The following LAMA5 variants were observed in gnomAD, a reference collection of about 807,000 sequenced individuals.
The protein encoded by LAMA5 is laminin subunit alpha-5.
LAMA5 carries 260 observed loss-of-function variants against 433.4 expected under a neutral mutation model. The ratio of observed to expected loss-of-function variants is 0.60; its 90% CI spans 0.54 to 0.66. LAMA5 has a LOEUF of 0.66. Among genes scored for constraint, LAMA5 ranks in the 30% least tolerant of loss-of-function variants. LAMA5 has a pLI of 0.00. For synonymous variants in LAMA5, 2,620 were observed against 2,226.6 expected (o/e 1.18, Z -4.97); for missense variants, 5,378 against 5,258.5 (o/e 1.02, Z -0.70).
chr20:62,333,836 A>AGAGGG lies in LAMA5; in HGVS notation c.2878+64_2878+65insCCCTC, dbSNP rs1555879182. 645 of 1,177,038 alleles carry AGAGGG rather than the reference A, an allele frequency of 5.5e-4. 3 individuals are homozygous for AGAGGG. In the Middle Eastern group the frequency reaches 7.5e-3, roughly 14 times the overall value. 72.9% of individuals were successfully genotyped at this position (1,177,038 alleles called of 1,614,324 possible). ...CCAGAGGAAGGTGGCGGGGCTTGGG[A>AGAGGG]GTGGGGTGGGGTGGGGTGGGCTGGG... On this transcript the variant is annotated intron_variant, in intron 23 of 79. Coordinates refer to ENST00000252999, the MANE Select transcript of LAMA5 (RefSeq NM_005560.6).
In LAMA5 at chr20:62,326,728, C is replaced by T. The variant is rs145381626; in HGVS notation, c.5247G>A (p.Pro1749=). 170 of 1,612,848 alleles carry T rather than the reference C, an allele frequency of 1.1e-4. No homozygotes were observed. Among genetic ancestry groups the T allele is most frequent in the South Asian group, 3.2e-4 (29 of 91,080 alleles). The part of the protein sequence containing the change: ...GNQMSITFLE[P]AYPTPGHVHR... ...GAACGTGGCCAGGCGTGGGGTATGC[C>T]GGCTCCAGGAATGTGATGCTCATCT... The change falls in exon 40 of 80, where the codon CCG becomes CCA. Residue 1749 remains proline (P), a synonymous_variant. Coordinates refer to ENST00000252999, the MANE Select transcript of LAMA5 (RefSeq NM_005560.6).
At position 62,338,125 on chromosome 20, in the gene LAMA5, G is replaced by T. The variant is rs1252854542; in HGVS notation, c.1782C>A (p.Thr594=). 6.3e-7 allele frequency: 1 copy of T among 1,591,320 alleles called. No individual in the cohort carries two copies. Among genetic ancestry groups the T allele is most frequent in the East Asian group, 2.2e-5 (1 of 44,654 alleles). ...CGGCCTCATCGCAGCCCTCGGGCAA[G>T]GTTCCTGCAGGGCTGCAGCCACACA... is the stretch of plus-strand genomic sequence containing the variant. ...CQLCGCSPAG[T]LPEGCDEAGR... The change falls in exon 14 of 80, where the codon ACC becomes ACA. Residue 594 remains threonine, a synonymous_variant. Coordinates refer to ENST00000252999, the MANE Select transcript of LAMA5 (RefSeq NM_005560.6).
intron 53 of LAMA5, 30 bp downstream of exon 53, chr20:62,318,424 C>A: frequency 6.5e-7 from 1 of 1,549,812 alleles, no homozygotes; most frequent in Middle Eastern, 1.9e-4. Flanking sequence ...GGAAGAGGAG[C>A]AGGAGGAAGA....
intron 6 of LAMA5, 141 bp downstream of exon 6, chr20:62,351,563 G>C: frequency 1.3e-6 from 1 of 758,140 alleles, no homozygotes; most frequent in African/African-American, 1.7e-5. Context: ...GCGGTGGTCA[G>C]TGCAGGTCAC....
chr20:62,337,009 A>AC (rs1156865441), intron 16 of LAMA5: 1 of 680,196 alleles, frequency 1.5e-6, no homozygotes, highest in African/African-American at 1.8e-5. Context: ...ATGCACGCAA[A>AC]CGTGCACCGC....
At chr20:62,335,326 G>A (rs1981373700) in intron 18 of LAMA5, 57 bp from the exon 19 acceptor site, 3 of 1,581,836 alleles carry the variant, frequency 1.9e-6, no homozygotes, top group Non-Finnish European at 2.6e-6. Context: ...CCTGGCTCCA[G>A]CCCCCCGAGG....
intron 44 of LAMA5, 44 bp from the exon 45 acceptor site, chr20:62,323,714 CA>C (rs775860532): frequency 6.3e-7 from 1 of 1,593,738 alleles, no homozygotes; most frequent in Non-Finnish European, 8.6e-7. Context: ...CCGTGGCGCC[CA>C]CCCTCGCATA....
rs1435808867 is a variant in LAMA5, at chr20:62,313,672, C to T, written c.8635G>A (p.Gly2879Arg). ...LRPDDFVFYV[G>R]GYPSTFTPPP... ...ACCGTGAAGGTACTGGGGTACCCCC[C>T]GACGTAGAAGACGAAGTCGTCTGGC... Residue 2879 changes from glycine to arginine, a missense_variant, in exon 63 of 80, where the codon GGG becomes AGG. Physicochemically the swap from Gly to Arg is moderately radical, Grantham distance 125. Coordinates refer to ENST00000252999, the MANE Select transcript of LAMA5 (RefSeq NM_005560.6). 1.9e-6 allele frequency: 3 copies of T among 1,612,662 alleles called. No individual in the cohort carries two copies. The highest frequency in any genetic ancestry group is 1.3e-5 in the African/African-American group (1 of 74,950).
rs748049979 is a variant in LAMA5 at position 62,309,953 on chromosome 20, G to T, written c.10828+35C>A. The T allele has an allele frequency of 5.0e-6, 8 of 1,606,248 alleles. No homozygotes were observed. The African/African-American group carries it at 9.3e-5, about 19-fold the overall frequency. On this transcript the variant is annotated intron_variant, in intron 78 of 79. Coordinates refer to ENST00000252999, the MANE Select transcript of LAMA5 (RefSeq NM_005560.6). ...GCTCCCGCTCTGCAGAAGGGTGGGG[G>T]TGGCAGAGTGCCCTGGCCACAGGAG...
At chr20:62,320,162 T>C (rs1011763978) in intron 50 of LAMA5, among the ~76,000 whole-genome samples, 1 of 151,452 alleles carries the variant, frequency 6.6e-6, no homozygotes, top group Non-Finnish European at 1.5e-5. Context: ...GTACTAAAAA[T>C]ACAAAATTAG....
At chr20:62,331,826 C>T (rs1444417627) in intron 28 of LAMA5, among the ~76,000 whole-genome samples, 2 of 152,154 alleles carry the variant, frequency 1.3e-5, no homozygotes, top group Admixed American at 6.5e-5. Context: ...CCCAAGAGGG[C>T]GGATCACCTG....
At chr20:62,346,315 G>A (rs1481178987) in intron 9 of LAMA5, 100 bp from the exon 10 acceptor site, 1 of 1,480,292 alleles carries the variant, frequency 6.8e-7, no homozygotes, top group Non-Finnish European at 9.1e-7. Flanking sequence ...GGGCCATGGG[G>A]ATGAGGGCTA....
chr20:62,336,295 T>G (rs372599489), intron 18 of LAMA5, 45 bp downstream of exon 18: 1 of 1,371,864 alleles, frequency 7.3e-7, no homozygotes, highest in South Asian at 1.3e-5. Context: ...GTGGGCACAG[T>G]TCCCCAAGGA....
In LAMA5 at chr20:62,329,904, G is replaced by A; in HGVS notation, c.3992C>T (p.Ala1331Val). 6.2e-7 allele frequency: 1 copy of A among 1,611,630 alleles called. No homozygotes were observed. The highest frequency in any genetic ancestry group is 8.5e-7 in the Non-Finnish European group (1 of 1,179,758). ...AGRVWQGHAN[A>V]SFCPHGYGCR... is the part of the protein sequence containing the mutation. ...GCCGTAGCCATGTGGACAGAAGCTG[G>A]CGTTGGCGTGGCCTGGGCGGGGGAG... The change falls in exon 32 of 80, where the codon GCC (alanine) becomes GTC (valine). Residue 1331 changes from alanine (A) to valine (V), a missense_variant. Physicochemically the swap from Ala to Val is moderately conservative, Grantham distance 64. Transcript: ENST00000252999.
Position 62,310,253 on chromosome 20 carries a change from T to C in LAMA5, c.10659A>G (p.Ala3553=), listed in dbSNP as rs555127121. 1.9e-6 allele frequency: 3 copies of C among 1,612,274 alleles called. No homozygotes were observed. The African/African-American group carries it at 4.0e-5, about 21-fold the overall frequency. ...CCAAGTGGAAGATCAGTCCGGTGAC[T>C]GCCAGGGGCCGCACCTCCAGTTCCA... ...VGLELEVRPL[A]VTGLIFHLGQ... is the part of the protein sequence containing the mutation. Residue 3553 remains alanine (A), a synonymous_variant, in exon 77 of 80, where the codon GCA becomes GCG. Transcript: ENST00000252999.
Position 62,324,766 on chromosome 20 carries a change from G to A in LAMA5, c.5530-212C>T, listed in dbSNP as rs1232320888. The A allele has an allele frequency of 8.8e-6, 5 of 567,490 alleles. No individual in the cohort carries two copies. Among genetic ancestry groups the A allele is most frequent in the Non-Finnish European group, 1.3e-5 (4 of 314,700 alleles). The allele number at this position is 567,490 out of a possible 1,614,324, so 35.2% of individuals were successfully genotyped here. A position where few individuals can be genotyped will look rare whatever the true frequency, so the allele number is the denominator to read the frequency against. Reference sequence around the variant, plus strand: ...CACCTGGCTGCTGTTTGAGGACATAGCTCTCAAAGCCACACGGATGTCCTG... The same window carrying A: ...CACCTGGCTGCTGTTTGAGGACATAACTCTCAAAGCCACACGGATGTCCTG... On this transcript the variant is annotated intron_variant, in intron 41 of 79. Transcript: ENST00000252999. The surrounding 1 kb of genome is among the most constrained non-coding windows in gnomAD (Gnocchi z 4.4).
intron 1 of LAMA5, 144 bp downstream of exon 1, chr20:62,366,805 G>C (rs1601446797): frequency 8.8e-7 from 1 of 1,139,344 alleles, no homozygotes; most frequent in Non-Finnish European, 1.1e-6. Flanking sequence ...CCGGGTCGGG[G>C]TGCCTTCTTG....
rs944890 is a variant in LAMA5 at position 62,328,693 on chromosome 20, G to A, written c.4447+151C>T. The A allele has an allele frequency of 0.67, 541,676 of 803,136 alleles. 184,953 individuals carry two copies. The highest frequency in any genetic ancestry group is 0.78 in the East Asian group (28,373 of 36,512). 49.8% of individuals were successfully genotyped at this position (803,136 alleles called of 1,614,324 possible). On this transcript the variant is annotated intron_variant, in intron 34 of 79. Coordinates refer to ENST00000252999, the MANE Select transcript of LAMA5 (RefSeq NM_005560.6). The stretch of plus-strand genomic sequence containing the variant: ...AACCTTCTGCATGGCCCGCAAGCTG[G>A]AGTCCTGGGCCCAGGCCCGCAGATG...
intron 1 of LAMA5, among the ~76,000 whole-genome samples, chr20:62,365,651 G>A (rs563574997): frequency 4.6e-5 from 7 of 152,158 alleles, no homozygotes; most frequent in South Asian, 2.1e-4. Context: ...CCTGAGACCC[G>A]GCCCCTCTGA....
Sources: allele counts gnomAD v4.1 joint callset (sites outside exome capture counted in the v4.1 genomes callset), GRCh38; gene constraint gnomAD v4.1.1; non-coding constraint Gnocchi (gnomAD v3.1); transcripts MANE v1.5; gene names NCBI Gene and HGNC (gene_info 2026-07-23, HGNC 2026-07-21).